IL1RAPL2: variants seen among roughly 807,000 people sequenced by gnomAD.
IL1RAPL2 encodes the protein interleukin 1 receptor accessory protein like 2.
A neutral mutation model predicts 44.1 loss-of-function variants in IL1RAPL2; 3 were observed. The ratio of observed to expected loss-of-function variants is 0.07; its 90% confidence interval spans 0.03 to 0.18. The LOEUF (loss-of-function observed/expected upper bound fraction) is 0.18. Ranked by LOEUF, IL1RAPL2 falls within the 10% of genes least tolerant of loss-of-function variation. The pLI is 1.00. For synonymous variants in IL1RAPL2, 181 were observed against 178.8 expected (o/e 1.01, Z -0.10); for missense variants, 391 against 496.4 (o/e 0.79, Z 2.02).
chrX:104,600,446 A>G (rs1287381452), intron 1 of IL1RAPL2, among the ~76,000 whole-genome samples: 1 of 111,728 alleles, frequency 9.0e-6, no homozygotes. Context: ...TTCATTACAG[A>G]ATTTCAGTTA....
intron 5 of IL1RAPL2, among the ~76,000 whole-genome samples, chrX:105,375,511 A>AAAAC (rs1030581985): frequency 1.8e-5 from 2 of 112,056 alleles, no homozygotes; most frequent in Admixed American, 9.5e-5. Context: ...ACCTGTCTCA[A>AAAAC]AAACAAACAA....
chrX:104,641,726 C>A (rs767231163), intron 1 of IL1RAPL2, among the ~76,000 whole-genome samples: 1 of 111,382 alleles, frequency 9.0e-6, no homozygotes, highest in East Asian at 2.9e-4. Context: ...CCGGCAGCTG[C>A]AGCCCACACC....
intron 4 of IL1RAPL2, among the ~76,000 whole-genome samples, chrX:105,248,411 T>A (rs919326965): frequency 2.7e-5 from 3 of 111,784 alleles, no homozygotes; most frequent in African/African-American, 9.7e-5. Context: ...TATGGTAGCT[T>A]CCTAAAAATG....
intron 2 of IL1RAPL2, among the ~76,000 whole-genome samples, chrX:105,126,553 G>T (rs1300363927): frequency 9.0e-6 from 1 of 111,078 alleles, no homozygotes; most frequent in Non-Finnish European, 1.9e-5. Context: ...CTTTAACAAG[G>T]TTCCTTTCTG....
At chrX:104,935,647 T>C (rs1465737032) in intron 2 of IL1RAPL2, among the ~76,000 whole-genome samples, 2 of 112,248 alleles carry the variant, frequency 1.8e-5, no homozygotes, top group African/African-American at 6.5e-5. Context: ...GCTTTATCCA[T>C]AAATATACTC....
intron 2 of IL1RAPL2, among the ~76,000 whole-genome samples, chrX:104,956,461 A>AGTGTGTGTGT (rs59541869): frequency 0.19 from 15,946 of 83,746 alleles, 1,334 homozygotes; most frequent in Non-Finnish European, 0.21. Flanking sequence ...GTCTCTACTA[A>AGTGTGTGTGT]GTGTGTGTGT....
chrX:104,581,212 G>A lies in IL1RAPL2; in HGVS notation c.-20+14161G>A, dbSNP rs773396634. 4.5e-5 allele frequency among the ~76,000 whole-genome samples: 5 copies of A among 111,950 alleles called. No individual in the cohort carries two copies. The South Asian group carries it at 1.9e-3, about 42-fold the overall frequency. On this transcript the variant is annotated intron_variant, in intron 1 of 10. Transcript: ENST00000372582. ...GTTCCAATTTTCAGAAGCAAAAGGAGCAAAAGATTCAAATTATGATCTTTA... is the reference window on the plus strand; with the variant it reads ...GTTCCAATTTTCAGAAGCAAAAGGAACAAAAGATTCAAATTATGATCTTTA...
intron 4 of IL1RAPL2, among the ~76,000 whole-genome samples, chrX:105,255,270 T>C (rs1435703888): frequency 8.9e-6 from 1 of 111,858 alleles, no homozygotes; most frequent in Non-Finnish European, 1.9e-5. Flanking sequence ...TCTGGTTAGC[T>C]ATACACCTAG....
At chrX:105,076,100 G>A (rs1481285725) in intron 2 of IL1RAPL2, among the ~76,000 whole-genome samples, 1 of 111,070 alleles carries the variant, frequency 9.0e-6, no homozygotes, top group African/African-American at 3.3e-5. Flanking sequence ...GAATGTGTTT[G>A]CTCTTGCTTC....
intron 6 of IL1RAPL2, among the ~76,000 whole-genome samples, chrX:105,629,411 T>A (rs1042824088): frequency 8.9e-6 from 1 of 111,735 alleles, no homozygotes; most frequent in Non-Finnish European, 1.9e-5. Flanking sequence ...ATTAGTGATG[T>A]AGAGATTTCA....
At chrX:104,717,201 T>C (rs891912202) in intron 2 of IL1RAPL2, among the ~76,000 whole-genome samples, 1 of 111,041 alleles carries the variant, frequency 9.0e-6, no homozygotes, top group Non-Finnish European at 1.9e-5. Flanking sequence ...TCACTTATGA[T>C]TGGGAGCTAA....
intron 6 of IL1RAPL2, among the ~76,000 whole-genome samples, chrX:105,654,542 A>G (rs2037664596): frequency 8.9e-6 from 1 of 111,797 alleles, no homozygotes; most frequent in African/African-American, 3.2e-5. Context: ...TGCCTTCAAA[A>G]CTGTATCAAA....
intron 2 of IL1RAPL2, among the ~76,000 whole-genome samples, chrX:105,032,847 T>A (rs1276922442): frequency 5.4e-5 from 6 of 111,218 alleles, no homozygotes; most frequent in South Asian, 3.8e-4. Context: ...CCCATTATTA[T>A]TGTGTGGGAG....
chrX:105,036,202 C>T (rs1417036430), intron 2 of IL1RAPL2, among the ~76,000 whole-genome samples: 2 of 111,974 alleles, frequency 1.8e-5, no homozygotes, highest in African/African-American at 3.2e-5. Flanking sequence ...CTTTCCCACT[C>T]CCAGCACCCA....
At chrX:105,283,264 G>A (rs982272892) in intron 5 of IL1RAPL2, among the ~76,000 whole-genome samples, 1 of 111,439 alleles carries the variant, frequency 9.0e-6, no homozygotes, top group Non-Finnish European at 1.9e-5. Context: ...TAAACATATG[G>A]ATACATGTAT....
At chrX:105,216,111 G>A (rs1027021105) in intron 3 of IL1RAPL2, among the ~76,000 whole-genome samples, 8 of 111,117 alleles carry the variant, frequency 7.2e-5, no homozygotes, top group African/African-American at 2.3e-4. Flanking sequence ...TCTGGCCAGG[G>A]CAATCAAGCA....
At chrX:104,711,567 G>A (rs1051430448) in intron 2 of IL1RAPL2, among the ~76,000 whole-genome samples, 4 of 110,439 alleles carry the variant, frequency 3.6e-5, no homozygotes, top group Non-Finnish European at 7.6e-5. Flanking sequence ...AATGAGGTCA[G>A]TTCAAAGGAT....
At chrX:105,665,065 C>G (rs749418331) in intron 6 of IL1RAPL2, among the ~76,000 whole-genome samples, 2 of 111,837 alleles carry the variant, frequency 1.8e-5, no homozygotes, top group South Asian at 7.4e-4. Flanking sequence ...TATGTGCTAA[C>G]TGAATAAGTA....
intron 2 of IL1RAPL2, among the ~76,000 whole-genome samples, chrX:105,039,690 C>T (rs139007530): frequency 0.02 from 2,193 of 111,310 alleles, 21 homozygotes; most frequent in Non-Finnish European, 0.03. Flanking sequence ...TATCTGTTAT[C>T]GGTGTATAAG....
Sources: allele counts gnomAD v4.1 joint callset (sites outside exome capture counted in the v4.1 genomes callset), GRCh38; gene constraint gnomAD v4.1.1; transcripts MANE v1.5; gene names NCBI Gene and HGNC (gene_info 2026-07-23, HGNC 2026-07-21).